Variants in FAAH2 observed in about 807,000 individuals in gnomAD.
FAAH2 encodes the protein fatty-acid amide hydrolase 2.
FAAH2 carries 60 observed loss-of-function variants against 36.9 expected under a neutral mutation model. The observed-to-expected ratio is 1.63, with a 90% CI of 1.32 to 2.02. FAAH2 has a LOEUF of 2.02. FAAH2 is among the 30% of genes most tolerant of loss of function. FAAH2 has a pLI of 0.00. For synonymous variants in FAAH2, 214 were observed against 143.8 expected (o/e 1.49, Z -3.49); for missense variants, 689 against 397.5 (o/e 1.73, Z -6.23).
chrX:57,427,951 A>G (rs781528793), intron 7 of FAAH2, among the ~76,000 whole-genome samples: 3 of 111,988 alleles, frequency 2.7e-5, no homozygotes, highest in African/African-American at 9.7e-5. Flanking sequence ...ATTTAAAAAG[A>G]AGTCAAATTA....
At chrX:57,431,771 G>C in intron 7 of FAAH2, 147 bp from the exon 8 acceptor site, 1 of 202,087 alleles carries the variant, frequency 4.9e-6, no homozygotes, top group Non-Finnish European at 7.3e-6. Context: ...TTGTTTTTTT[G>C]TTTTTTTGTT....
At chrX:57,280,534 T>TA in the FAAH2 span, among the ~76,000 whole-genome samples, 7 of 70,205 alleles carry the variant, frequency 1.0e-4, no homozygotes, top group African/African-American at 1.1e-3. Context: ...TGGCTAAAAT[T>TA]TAAAAAAAAA....
At chrX:57,451,242 C>T (rs1045717913) in intron 10 of FAAH2, among the ~76,000 whole-genome samples, 1 of 111,464 alleles carries the variant, frequency 9.0e-6, no homozygotes, top group African/African-American at 3.3e-5. Context: ...GGATTCAAAC[C>T]CAGGTCTGTC....
At chrX:57,203,375 G>A in the FAAH2 span, among the ~76,000 whole-genome samples, 4 of 111,963 alleles carry the variant, frequency 3.6e-5, no homozygotes, top group Non-Finnish European at 7.5e-5. Flanking sequence ...TGCCCTGGGT[G>A]GGCCAGGTGT....
chrX:57,128,620 A>C, the FAAH2 span, among the ~76,000 whole-genome samples: 1 of 111,863 alleles, frequency 8.9e-6, no homozygotes, highest in Non-Finnish European at 1.9e-5. Context: ...TTTGTGAAAA[A>C]ATAAAACAAT....
the FAAH2 span, among the ~76,000 whole-genome samples, chrX:57,155,546 G>A: frequency 8.9e-6 from 1 of 112,040 alleles, no homozygotes; most frequent in East Asian, 2.8e-4. Flanking sequence ...CAGGCAGTGG[G>A]GCGTGCTGGG....
At chrX:57,175,159 T>C in the FAAH2 span, among the ~76,000 whole-genome samples, 2 of 111,842 alleles carry the variant, frequency 1.8e-5, no homozygotes, top group African/African-American at 6.5e-5. Context: ...TGTCTCTTGT[T>C]GTCAGTGGAG....
intron 5 of FAAH2, among the ~76,000 whole-genome samples, chrX:57,376,943 G>A (rs1004213339): frequency 3.6e-5 from 4 of 112,095 alleles, no homozygotes. Context: ...TTTGTTGGCT[G>A]CATAAATGTC....
the FAAH2 span, among the ~76,000 whole-genome samples, chrX:57,252,795 C>T: frequency 8.9e-6 from 1 of 112,343 alleles, no homozygotes; most frequent in African/African-American, 3.2e-5. Context: ...GATAAAACCA[C>T]GAAGATGGGA....
At chrX:57,337,485 A>T (rs2053583181) in intron 4 of FAAH2, among the ~76,000 whole-genome samples, 1 of 112,039 alleles carries the variant, frequency 8.9e-6, no homozygotes, top group African/African-American at 3.2e-5. Flanking sequence ...ATTCTTGATG[A>T]ACATCAATGC....
At position 57,470,505 on chromosome X, in the gene FAAH2, G is replaced by A. The variant is rs1602777603; in HGVS notation, c.1424-18252G>A. The stretch of plus-strand genomic sequence containing the variant: ...ATAAACTAGAAAATCTAGAAGAAAT[G>A]GATAAATTTCTGGACACATACACCC... On this transcript the variant is annotated intron_variant, in intron 10 of 10. Coordinates refer to ENST00000374900, the MANE Select transcript of FAAH2 (RefSeq NM_174912.4). Among the ~76,000 whole-genome samples, 8 of 111,384 alleles carry A rather than the reference G, an allele frequency of 7.2e-5. No individual in the cohort carries two copies. In the South Asian group the frequency reaches 3.0e-3, roughly 42 times the overall value.
chrX:57,247,335 CA>C, the FAAH2 span, among the ~76,000 whole-genome samples: 1 of 111,731 alleles, frequency 9.0e-6, no homozygotes, highest in Admixed American at 9.5e-5. Context: ...AATGATCAAA[CA>C]GGCTTCCACT....
At chrX:57,440,705 T>G (rs1049902924) in intron 8 of FAAH2, among the ~76,000 whole-genome samples, 5 of 111,780 alleles carry the variant, frequency 4.5e-5, no homozygotes, top group African/African-American at 1.6e-4. Context: ...TGCTTCCAGT[T>G]TTTGCCCATT....
chrX:57,390,282 TTC>T (rs1404425978), intron 7 of FAAH2, among the ~76,000 whole-genome samples: 1 of 111,899 alleles, frequency 8.9e-6, no homozygotes, highest in Non-Finnish European at 1.9e-5. Flanking sequence ...ACGGAGCTTT[TTC>T]TCTCTATTTT....
At chrX:57,219,089 C>A in the FAAH2 span, among the ~76,000 whole-genome samples, 3 of 111,737 alleles carry the variant, frequency 2.7e-5, no homozygotes, top group African/African-American at 9.8e-5. Context: ...AAGACACCTA[C>A]CCCTGAAGAT....
chrX:57,314,254 C>G (rs1271487279), intron 3 of FAAH2, among the ~76,000 whole-genome samples: 1 of 111,564 alleles, frequency 9.0e-6, no homozygotes, highest in African/African-American at 3.2e-5. Flanking sequence ...TCTTCATGAC[C>G]TGAGAAAAAT....
chrX:57,276,455 C>T, the FAAH2 span, among the ~76,000 whole-genome samples: 2 of 111,546 alleles, frequency 1.8e-5, no homozygotes, highest in East Asian at 5.6e-4. Flanking sequence ...GCACTAAATG[C>T]CCACAAGAGA....
chrX:57,164,655 T>C, the FAAH2 span, among the ~76,000 whole-genome samples: 1 of 112,525 alleles, frequency 8.9e-6, no homozygotes, highest in Admixed American at 9.4e-5. Context: ...TGAAATAATT[T>C]AGAAATAAAC....
chrX:57,201,330 A>C, the FAAH2 span, among the ~76,000 whole-genome samples: 1 of 110,356 alleles, frequency 9.1e-6, no homozygotes, highest in Non-Finnish European at 1.9e-5. Context: ...GAGGCAGAGA[A>C]TTGCTTGAAC....
Sources: gnomAD v4.1 joint callset for allele counts (sites outside exome capture counted in the v4.1 genomes callset) on GRCh38, gnomAD v4.1.1 for gene constraint, MANE v1.5 for transcripts, NCBI Gene and HGNC (gene_info 2026-07-23, HGNC 2026-07-21) for gene names.